The following EPHA4 variants were observed in gnomAD, a reference collection of about 807,000 sequenced individuals.
The protein encoded by EPHA4 is EPH receptor A4.
A neutral mutation model predicts 108.3 loss-of-function variants in EPHA4; 19 were observed. That is an observed-to-expected ratio of 0.18 (90% CI 0.12 to 0.26). EPHA4 has a LOEUF of 0.26. EPHA4 is among the 10% of genes least tolerant of loss of function. The pLI is 1.00. For missense variants in EPHA4, 917 were observed against 1,254.0 expected (o/e 0.73, Z 4.06); for synonymous variants, 449 against 455.5 (o/e 0.99, Z 0.18).
chr2:221,423,830 T>C (rs1429366079), intron 17 of EPHA4, among the ~76,000 whole-genome samples: 2 of 151,934 alleles, frequency 1.3e-5, no homozygotes, highest in Admixed American at 6.6e-5. Flanking sequence ...TAAAATACAA[T>C]GCCACCTGGG....
In EPHA4 at chr2:221,425,929, C is replaced by CAG. The variant is rs1337422460; in HGVS notation, c.*97_*98dup. 15 of 918,054 alleles carry CAG rather than the reference C, an allele frequency of 1.6e-5. No homozygotes were observed. In the African/African-American group the frequency reaches 2.2e-4, roughly 13 times the overall value. 56.9% of individuals were successfully genotyped at this position (918,054 alleles called of 1,614,324 possible). On this transcript the variant is annotated 3_prime_UTR_variant, in exon 17 of 18. Coordinates refer to ENST00000281821, the MANE Select transcript of EPHA4 (RefSeq NM_004438.5). ...TTTTTTTTTTTCATTTCTTTAATTT[C>CAG]AGAGGGCGAAGACGAAGTAAAAAAA...
chr2:221,507,934 A>C (rs1692681485), intron 3 of EPHA4, among the ~76,000 whole-genome samples: 1 of 152,206 alleles, frequency 6.6e-6, no homozygotes, highest in Non-Finnish European at 1.5e-5. Context: ...CATGTATCAG[A>C]ATGACCTTAA....
intron 8 of EPHA4, among the ~76,000 whole-genome samples, chr2:221,452,405 G>C (rs1449269336): frequency 6.6e-6 from 1 of 152,186 alleles, no homozygotes; most frequent in Non-Finnish European, 1.5e-5. Flanking sequence ...CGAAAAGCCT[G>C]GGCCAGCCAG....
At chr2:221,527,838 G>A (rs1411152741) in intron 3 of EPHA4, among the ~76,000 whole-genome samples, 1 of 152,062 alleles carries the variant, frequency 6.6e-6, no homozygotes, top group Non-Finnish European at 1.5e-5. Flanking sequence ...ACATGGCTAA[G>A]GAACTGTCGG....
chr2:221,565,562 G>T (rs562294980), intron 2 of EPHA4, among the ~76,000 whole-genome samples: 1 of 152,268 alleles, frequency 6.6e-6, no homozygotes, highest in Non-Finnish European at 1.5e-5. Context: ...CCAGTGAAGT[G>T]CATAGAATCA....
Position 221,425,700 on chromosome 2 carries a change from C to A in EPHA4, c.*328G>T. ...GAGAGAATCAGGGATGTCTCAGAAG[C>A]TCAGTGTCTGGCAGCAAATACAGCA... On this transcript the variant is annotated 3_prime_UTR_variant, in exon 17 of 18. Coordinates refer to ENST00000281821, the MANE Select transcript of EPHA4 (RefSeq NM_004438.5). 4.5e-6 allele frequency: 1 copy of A among 221,168 alleles called. No homozygotes were observed. The highest frequency in any genetic ancestry group is 8.9e-6 in the Non-Finnish European group (1 of 112,478). The allele number at this position is 221,168 out of a possible 1,614,324, so 13.7% of individuals were successfully genotyped here.
chr2:221,530,353 C>T (rs1693470121), intron 3 of EPHA4, among the ~76,000 whole-genome samples: 1 of 152,192 alleles, frequency 6.6e-6, no homozygotes, highest in African/African-American at 2.4e-5. Context: ...GATGTGATCA[C>T]ACTGTTACTT....
At chr2:221,463,314 A>G (rs971090708) in intron 5 of EPHA4, among the ~76,000 whole-genome samples, 4 of 152,222 alleles carry the variant, frequency 2.6e-5, no homozygotes, top group Non-Finnish European at 4.4e-5. Context: ...GAGCTTTCCA[A>G]TAGAGGTCCA....
At chr2:221,436,665 A>C in intron 12 of EPHA4, 57 bp from the exon 13 acceptor site, 111 of 1,514,924 alleles carry the variant, frequency 7.3e-5, no homozygotes, top group Non-Finnish European at 9.4e-5. Context: ...GTTAATTCTC[A>C]CCAAGCATTT....
At position 221,504,914 on chromosome 2, in the gene EPHA4, C is replaced by T. The variant is rs374540135; in HGVS notation, c.824-3742G>A. ...TTTTTAGTGAAAAAGGTTAAGTTACCTAGAGTTAGGTCTGACCTTCAGCAA... is the reference window on the plus strand; with the variant it reads ...TTTTTAGTGAAAAAGGTTAAGTTACTTAGAGTTAGGTCTGACCTTCAGCAA... On this transcript the variant is annotated intron_variant, in intron 3 of 17. Coordinates refer to ENST00000281821, the MANE Select transcript of EPHA4 (RefSeq NM_004438.5). Among the ~76,000 whole-genome samples, 77 of 152,230 alleles carry T rather than the reference C, an allele frequency of 5.1e-4. 1 individual carries two copies. In the South Asian group the frequency reaches 0.015, roughly 30 times the overall value.
chr2:221,465,804 T>A (rs143363741), intron 5 of EPHA4, among the ~76,000 whole-genome samples: 1 of 152,290 alleles, frequency 6.6e-6, no homozygotes, highest in Non-Finnish European at 1.5e-5. Flanking sequence ...AGAAAATAAA[T>A]TTCTATTGCA....
intron 14 of EPHA4, among the ~76,000 whole-genome samples, chr2:221,432,200 A>C (rs964655663): frequency 6.6e-6 from 1 of 151,536 alleles, no homozygotes; most frequent in Admixed American, 6.6e-5. Context: ...AGATCTGAAC[A>C]TATTTAGGGT....
chr2:221,518,553 G>T (rs1204138352), intron 3 of EPHA4, among the ~76,000 whole-genome samples: 1 of 152,194 alleles, frequency 6.6e-6, no homozygotes, highest in African/African-American at 2.4e-5. Context: ...GTATACGAAT[G>T]AATGAATGAA....
chr2:221,511,073 T>C (rs1692812547), intron 3 of EPHA4, among the ~76,000 whole-genome samples: 3 of 152,204 alleles, frequency 2.0e-5, no homozygotes, highest in African/African-American at 4.8e-5. Context: ...TCCATGGAAG[T>C]AACTGGTAAG....
intron 3 of EPHA4, among the ~76,000 whole-genome samples, chr2:221,507,195 G>C: frequency 6.6e-6 from 1 of 152,128 alleles, no homozygotes. Flanking sequence ...CTACTCCATG[G>C]TTCGTCTGTT....
intron 3 of EPHA4, among the ~76,000 whole-genome samples, chr2:221,560,340 C>A (rs1270510961): frequency 6.6e-6 from 1 of 152,048 alleles, no homozygotes; most frequent in Non-Finnish European, 1.5e-5. Context: ...CCTTCTTAAG[C>A]TTTCTTTACA....
At chr2:221,423,761 G>GA (rs80333450) in intron 17 of EPHA4, among the ~76,000 whole-genome samples, 476 of 134,760 alleles carry the variant, frequency 3.5e-3, no homozygotes, top group Admixed American at 5.2e-3. Context: ...TAGACTTTAA[G>GA]AAAAAAAAAA....
chr2:221,541,466 A>C (rs971949421), intron 3 of EPHA4, among the ~76,000 whole-genome samples: 69 of 152,180 alleles, frequency 4.5e-4, no homozygotes, highest in Non-Finnish European at 6.8e-4. Context: ...GAGCTCATTC[A>C]TAGAGGATTT....
chr2:221,448,252 G>A (rs183510450), intron 8 of EPHA4, among the ~76,000 whole-genome samples: 121 of 144,510 alleles, frequency 8.4e-4, no homozygotes, highest in African/African-American at 2.9e-3. Flanking sequence ...TGGGGTGGGG[G>A]GTGGGGAGCA....
Sources: allele counts gnomAD v4.1 joint callset (sites outside exome capture counted in the v4.1 genomes callset), GRCh38; gene constraint gnomAD v4.1.1; transcripts MANE v1.5; gene names NCBI Gene and HGNC (gene_info 2026-07-23, HGNC 2026-07-21).